EBF2: variants seen among roughly 807,000 people sequenced by gnomAD.
EBF2 encodes the protein transcription factor COE2.
A neutral mutation model predicts 72.8 loss-of-function variants in EBF2; 21 were observed. That is an observed-to-expected ratio of 0.29 (90% CI 0.20 to 0.42). The LOEUF (loss-of-function observed/expected upper bound fraction) is 0.42. EBF2 is among the 10% of genes least tolerant of loss of function. EBF2 has a pLI of 1.00. For missense variants in EBF2, 637 were observed against 731.2 expected (o/e 0.87, Z 1.49); for synonymous variants, 299 against 274.2 (o/e 1.09, Z -0.89).
At chr8:25,957,343 G>C (rs1355016487) in intron 6 of EBF2, among the ~76,000 whole-genome samples, 2 of 152,156 alleles carry the variant, frequency 1.3e-5, no homozygotes, top group Non-Finnish European at 2.9e-5. Context: ...AAATACACTG[G>C]GTAGGTGTTA....
chr8:25,941,038 T>C (rs1803661146), intron 6 of EBF2, among the ~76,000 whole-genome samples: 2 of 152,198 alleles, frequency 1.3e-5, no homozygotes, highest in South Asian at 4.1e-4. Flanking sequence ...GGATCCTTTT[T>C]ATTGATAGGG....
chr8:25,881,674 C>A (rs1802607320), intron 10 of EBF2, among the ~76,000 whole-genome samples: 1 of 152,224 alleles, frequency 6.6e-6, no homozygotes, highest in Admixed American at 6.5e-5. Flanking sequence ...TAAGTTAGGA[C>A]AGGCATTTTT....
chr8:26,002,713 G>T (rs1804751621), intron 6 of EBF2, among the ~76,000 whole-genome samples: 1 of 152,150 alleles, frequency 6.6e-6, no homozygotes, highest in Admixed American at 6.6e-5. Context: ...AAATAATGAG[G>T]GTAGTAATGG....
At position 25,857,230 on chromosome 8, in the gene EBF2, C is replaced by T. The variant is rs138408255; in HGVS notation, c.1528+1089G>A. Among the ~76,000 whole-genome samples, 67 of 152,204 alleles carry T rather than the reference C, an allele frequency of 4.4e-4. 1 individual carries two copies. The highest frequency in any genetic ancestry group is 1.5e-3 in the African/African-American group (61 of 41,522). ...AAGAACTGACCTCTACTACCCTTCGCTGCTTGGTGCTATATCTTTATCTCA... is the reference window on the plus strand; with the variant it reads ...AAGAACTGACCTCTACTACCCTTCGTTGCTTGGTGCTATATCTTTATCTCA... On this transcript the variant is annotated intron_variant, in intron 14 of 15. Transcript: ENST00000520164.
At chr8:25,977,388 G>T (rs1308700333) in intron 6 of EBF2, among the ~76,000 whole-genome samples, 1 of 152,076 alleles carries the variant, frequency 6.6e-6, no homozygotes, top group Non-Finnish European at 1.5e-5. Flanking sequence ...GTTAAAGGGG[G>T]TAGGGCCTGT....
intron 6 of EBF2, among the ~76,000 whole-genome samples, chr8:26,010,988 T>C (rs1289208856): frequency 6.6e-6 from 1 of 150,760 alleles, no homozygotes; most frequent in Non-Finnish European, 1.5e-5. Flanking sequence ...TATGTGTGCA[T>C]ACACACACAC....
intron 15 of EBF2, among the ~76,000 whole-genome samples, chr8:25,849,918 A>G (rs1801926105): frequency 6.6e-6 from 1 of 152,080 alleles, no homozygotes; most frequent in South Asian, 2.1e-4. Context: ...CATGATGGCA[A>G]GCGGATTAGG....
chr8:25,887,899 C>G lies in EBF2; in HGVS notation c.825G>C (p.Gly275=), dbSNP rs565173946. 2.5e-5 allele frequency: 40 copies of G among 1,613,758 alleles called. No homozygotes were observed. In the South Asian group the frequency reaches 4.0e-4, roughly 16 times the overall value. ...TTGGAMVIII[G]DNFFDGLQVV... The stretch of plus-strand genomic sequence containing the variant: ...CTTGGAGACCATCAAAGAAGTTGTC[C>G]CCGATGATGATGACCATGGCTCCTC... The change falls in exon 9 of 16, where the codon GGG becomes GGC. Residue 275 remains glycine, a synonymous_variant. Coordinates refer to ENST00000520164, the MANE Select transcript of EBF2 (RefSeq NM_022659.4).
intron 10 of EBF2, among the ~76,000 whole-genome samples, chr8:25,880,340 T>C (rs910469808): frequency 1.1e-4 from 17 of 152,236 alleles, no homozygotes; most frequent in Non-Finnish European, 2.4e-4. Context: ...ATAATTATTC[T>C]TTAAACCTGT....
chr8:25,925,034 C>A (rs1182731968), intron 6 of EBF2, among the ~76,000 whole-genome samples: 1 of 152,128 alleles, frequency 6.6e-6, no homozygotes, highest in Non-Finnish European at 1.5e-5. Context: ...GGGAGACAGT[C>A]TTAACAGGAG....
At chr8:25,926,313 G>A (rs1803385299) in intron 6 of EBF2, among the ~76,000 whole-genome samples, 1 of 152,080 alleles carries the variant, frequency 6.6e-6, no homozygotes, top group Non-Finnish European at 1.5e-5. Context: ...GGTGCCATTG[G>A]GAAAAGAGAG....
chr8:25,988,430 A>C (rs1268549697), intron 6 of EBF2, among the ~76,000 whole-genome samples: 3 of 152,232 alleles, frequency 2.0e-5, no homozygotes, highest in African/African-American at 7.2e-5. Context: ...ATGTTGATAC[A>C]TGCATTAAGG....
intron 10 of EBF2, among the ~76,000 whole-genome samples, chr8:25,869,318 C>G (rs181136369): frequency 6.6e-6 from 1 of 152,134 alleles, no homozygotes; most frequent in Non-Finnish European, 1.5e-5. Context: ...TCTCACTCCT[C>G]AAGTTGGAGA....
At chr8:25,897,883 T>C (rs927502874) in intron 7 of EBF2, among the ~76,000 whole-genome samples, 19 of 152,160 alleles carry the variant, frequency 1.2e-4, no homozygotes, top group Non-Finnish European at 2.6e-4. Context: ...TACCCAGCAA[T>C]GGGATTGCTG....
intron 7 of EBF2, among the ~76,000 whole-genome samples, chr8:25,894,390 G>A (rs1359220191): frequency 1.3e-5 from 2 of 152,152 alleles, no homozygotes; most frequent in African/African-American, 4.8e-5. Context: ...CAAAGGAAGT[G>A]GAATGCGCAT....
intron 6 of EBF2, among the ~76,000 whole-genome samples, chr8:26,002,840 AGGCAGGCAGGCAGGCGGGCAGGCG>A (rs1563204584): frequency 1.9e-4 from 23 of 118,958 alleles, no homozygotes; most frequent in Admixed American, 1.8e-4. Context: ...GCAGGCAGGC[AGGCAGGCAGGCAGGCGGGCAGGCG>A]GGCAGGCGGG....
intron 2 of EBF2, chr8:26,041,537 G>A (rs981020485): frequency 6.0e-6 from 1 of 165,364 alleles, no homozygotes; most frequent in Non-Finnish European, 1.3e-5. Context: ...GACCCGGAAA[G>A]GGCAAGGGAT....
chr8:25,942,969 C>T (rs1482496906), intron 6 of EBF2, among the ~76,000 whole-genome samples: 5 of 152,296 alleles, frequency 3.3e-5, no homozygotes, highest in African/African-American at 1.2e-4. Context: ...TCCTGGAGCT[C>T]AGGATTTCCC....
chr8:25,890,589 T>C (rs910507295), intron 7 of EBF2, among the ~76,000 whole-genome samples: 2 of 152,196 alleles, frequency 1.3e-5, no homozygotes, highest in African/African-American at 4.8e-5. Flanking sequence ...AATCTCAGTT[T>C]TTCTTATCTG....
Sources: gnomAD v4.1 joint callset for allele counts (sites outside exome capture counted in the v4.1 genomes callset) on GRCh38, gnomAD v4.1.1 for gene constraint, MANE v1.5 for transcripts, NCBI Gene and HGNC (gene_info 2026-07-23, HGNC 2026-07-21) for gene names.